MRTFA: variants seen among roughly 807,000 people sequenced by gnomAD.
MRTFA encodes myocardin-related transcription factor A.
In MRTFA, 20 loss-of-function variants were observed where a neutral mutation model predicts 83.5. The ratio of observed to expected loss-of-function variants is 0.24; its 90% CI spans 0.17 to 0.35. MRTFA has a LOEUF of 0.35. Ranked by LOEUF, MRTFA falls within the 10% of genes least tolerant of loss-of-function variation. The pLI is 1.00. For missense variants in MRTFA, 1,200 were observed against 1,224.7 expected (o/e 0.98, Z 0.30); for synonymous variants, 659 against 541.2 (o/e 1.22, Z -3.02).
intron 3 of MRTFA, among the ~76,000 whole-genome samples, chr22:40,515,546 G>A (rs2082138249): frequency 6.6e-6 from 1 of 151,906 alleles, no homozygotes; most frequent in Non-Finnish European, 1.5e-5. Context: ...TACAAAAACT[G>A]GCTGGGCGTG....
intron 3 of MRTFA, among the ~76,000 whole-genome samples, chr22:40,550,853 T>C (rs2055433716): frequency 8.7e-6 from 1 of 114,722 alleles, no homozygotes; most frequent in African/African-American, 3.0e-5. Context: ...TTCTTTTTTC[T>C]TTTTTTTTTT....
chr22:40,516,780 A>C lies in MRTFA; in HGVS notation c.241+35326T>G, dbSNP rs2054767826. ...TCTAATCCTTGTGAACAGGTACAACAGTCACAGTTAAAAACAAGGAAGCTT... is the reference window on the plus strand; with the variant it reads ...TCTAATCCTTGTGAACAGGTACAACCGTCACAGTTAAAAACAAGGAAGCTT... On this transcript the variant is annotated intron_variant, in intron 3 of 14. Coordinates refer to ENST00000355630, the MANE Select transcript of MRTFA (RefSeq NM_020831.6). Among the ~76,000 whole-genome samples the C allele has an allele frequency of 2.6e-5, 4 of 152,230 alleles. No individual in the cohort carries two copies. In the South Asian group the frequency reaches 8.3e-4, roughly 32 times the overall value.
At chr22:40,439,452 C>A (rs994692065) in intron 4 of MRTFA, among the ~76,000 whole-genome samples, 1 of 142,270 alleles carries the variant, frequency 7.0e-6, no homozygotes, top group African/African-American at 2.6e-5. Context: ...TTGCAGTGAG[C>A]CAAAATTGCT....
intron 1 of MRTFA, among the ~76,000 whole-genome samples, chr22:40,605,972 G>C (rs2056314852): frequency 6.6e-6 from 1 of 152,168 alleles, no homozygotes; most frequent in Admixed American, 6.5e-5. Flanking sequence ...GAAAGGAAAG[G>C]AGTAAGGGAC....
At chr22:40,600,125 TC>T (rs1396097654) in intron 1 of MRTFA, among the ~76,000 whole-genome samples, 1 of 152,032 alleles carries the variant, frequency 6.6e-6, no homozygotes, top group Non-Finnish European at 1.5e-5. Flanking sequence ...GTTACATATC[TC>T]CTCAAACTGA....
chr22:40,461,495 T>C (rs1424001768), intron 4 of MRTFA, among the ~76,000 whole-genome samples: 1 of 149,386 alleles, frequency 6.7e-6, no homozygotes, highest in Non-Finnish European at 1.5e-5. Flanking sequence ...TCTTAAAAAT[T>C]AAAATGAAGG....
rs554922687 is a variant in MRTFA at position 40,466,659 on chromosome 22, G to A, written c.242-3373C>T. ...ATTAATTTTATTTCAGAGAATAAGG[G>A]AACAATGCAATTCAGTAAGTCTGAA... On this transcript the variant is annotated intron_variant, in intron 3 of 14. Coordinates refer to ENST00000355630, the MANE Select transcript of MRTFA (RefSeq NM_020831.6). Among the ~76,000 whole-genome samples the A allele has an allele frequency of 4.2e-4, 64 of 152,206 alleles. 2 individuals carry two copies. In the South Asian group the frequency reaches 5.6e-3, roughly 13 times the overall value.
rs533864726 is a variant in MRTFA, at chr22:40,608,617, A to G, written c.-83-13882T>C. 5.9e-5 allele frequency among the ~76,000 whole-genome samples: 9 copies of G among 152,300 alleles called. No individual in the cohort carries two copies. In the East Asian group the frequency reaches 1.7e-3, roughly 29 times the overall value. ...CAGGACTCAACCTCAGGTCTGTTTG[A>G]TGCCAAAGTCTTTGGTCTTAACCAC... On this transcript the variant is annotated intron_variant, in intron 1 of 14. Transcript: ENST00000355630.
In MRTFA at chr22:40,419,253, G is replaced by C; in HGVS notation, c.1485C>G (p.Ala495=). 1.9e-6 allele frequency: 3 copies of C among 1,612,328 alleles called. No homozygotes were observed. Among genetic ancestry groups the C allele is most frequent in the Non-Finnish European group, 2.5e-6 (3 of 1,179,348 alleles). ...CAGCCTTGTGCAGGATAGAGGTGGC[G>C]GCAGGGGCCTTGGGGGCTCCTGGCA... is the stretch of plus-strand genomic sequence containing the variant. The change falls in exon 12 of 15, where the codon GCC becomes GCG. Residue 495 remains alanine (A), a synonymous_variant. Coordinates refer to ENST00000355630, the MANE Select transcript of MRTFA (RefSeq NM_020831.6).
intron 3 of MRTFA, among the ~76,000 whole-genome samples, chr22:40,475,968 C>A (rs951285125): frequency 6.6e-6 from 1 of 151,998 alleles, no homozygotes; most frequent in Non-Finnish European, 1.5e-5. Context: ...TATGGTGAAA[C>A]CCTGTCTCTA....
At chr22:40,604,002 T>C (rs2056289753) in intron 1 of MRTFA, among the ~76,000 whole-genome samples, 1 of 152,092 alleles carries the variant, frequency 6.6e-6, no homozygotes, top group African/African-American at 2.4e-5. Context: ...AAATGTTCCA[T>C]AATAAAGATT....
At chr22:40,492,726 T>C (rs1310861592) in intron 3 of MRTFA, among the ~76,000 whole-genome samples, 1 of 152,046 alleles carries the variant, frequency 6.6e-6, no homozygotes, top group Non-Finnish European at 1.5e-5. Context: ...AGATAAAAGA[T>C]ACCAAAAAGC....
At chr22:40,535,357 T>TTTC (rs1156714502) in intron 3 of MRTFA, among the ~76,000 whole-genome samples, 1 of 136,312 alleles carries the variant, frequency 7.3e-6, no homozygotes, top group Admixed American at 7.5e-5. Flanking sequence ...TCTTTTTTTT[T>TTTC]TTTTTTTTCT....
intron 1 of MRTFA, among the ~76,000 whole-genome samples, chr22:40,598,188 T>C (rs1340674071): frequency 1.3e-5 from 2 of 152,116 alleles, no homozygotes; most frequent in Non-Finnish European, 2.9e-5. Flanking sequence ...TTTTGGTGGT[T>C]GTTTCCCTCC....
At chr22:40,605,814 A>G (rs144605496) in intron 1 of MRTFA, among the ~76,000 whole-genome samples, 1 of 152,334 alleles carries the variant, frequency 6.6e-6, no homozygotes, top group Non-Finnish European at 1.5e-5. Flanking sequence ...AATGCTTACA[A>G]CCAACATGTC....
At chr22:40,536,167 G>A (rs2055169272) in intron 3 of MRTFA, among the ~76,000 whole-genome samples, 1 of 151,502 alleles carries the variant, frequency 6.6e-6, no homozygotes, top group South Asian at 2.1e-4. Context: ...GCCAGGTATG[G>A]TGATGCCTGT....
chr22:40,570,962 A>T (rs1297982928), intron 2 of MRTFA, among the ~76,000 whole-genome samples: 2 of 132,888 alleles, frequency 1.5e-5, no homozygotes, highest in African/African-American at 5.6e-5. Flanking sequence ...GGCCGATGTG[A>T]GTGGATTGCT....
chr22:40,587,116 C>G, intron 2 of MRTFA: 1 of 454,498 alleles, frequency 2.2e-6, no homozygotes, highest in South Asian at 1.6e-5. Context: ...GCTTGAAGGG[C>G]TTTGGATGTC....
Position 40,420,969 on chromosome 22 carries a change from G to T in MRTFA, c.1059C>A (p.Pro353=). 2 of 1,613,054 alleles carry T rather than the reference G, an allele frequency of 1.2e-6. No homozygotes were observed. The highest frequency in any genetic ancestry group is 1.7e-6 in the Non-Finnish European group (2 of 1,179,252). The change falls in exon 10 of 15, where the codon CCC becomes CCA. Residue 353 remains proline (P), a synonymous_variant. Transcript: ENST00000355630. ...TCTTGGCGTAGGATGAGTCCATGGG[G>T]GGTGCCCCCCTGTCCTGCTTCTGGT...
Sources: allele counts gnomAD v4.1 joint callset (sites outside exome capture counted in the v4.1 genomes callset), GRCh38; gene constraint gnomAD v4.1.1; transcripts MANE v1.5; gene names NCBI Gene and HGNC (gene_info 2026-07-23, HGNC 2026-07-21).